Variants in LRRC37A2 observed in about 807,000 individuals in gnomAD.
The protein encoded by LRRC37A2 is leucine rich repeat containing 37 member A2.
LRRC37A2 carries 9 observed loss-of-function variants against 68.8 expected under a neutral mutation model. The observed-to-expected ratio is 0.13, with a 90% CI of 0.08 to 0.23. The LOEUF (loss-of-function observed/expected upper bound fraction) is 0.23, where lower values mean the gene tolerates loss of function less well. Among genes scored for constraint, LRRC37A2 ranks in the 10% least tolerant of loss-of-function variants. The pLI is 1.00. For missense variants in LRRC37A2, 168 were observed against 950.4 expected (o/e 0.18, Z 10.82); for synonymous variants, 63 against 367.6 (o/e 0.17, Z 9.48).
the LRRC37A2 span, chr17:46,711,258 C>A: frequency 2.5e-6 from 2 of 788,268 alleles, no homozygotes; most frequent in African/African-American, 1.8e-5. Flanking sequence ...GTAATCCAAT[C>A]TATGTACCAA....
chr17:47,044,751 C>A, the LRRC37A2 span, among the ~76,000 whole-genome samples: 1 of 150,704 alleles, frequency 6.6e-6, no homozygotes, highest in South Asian at 2.1e-4. Flanking sequence ...TGGGCTCAAG[C>A]CTGTAATCCC....
At chr17:46,708,808 A>G in the LRRC37A2 span, among the ~76,000 whole-genome samples, 2 of 97,008 alleles carry the variant, frequency 2.1e-5, no homozygotes, top group African/African-American at 8.2e-5. Flanking sequence ...TTTATTTTAT[A>G]TATATATATA....
At chr17:46,993,658 C>G in the LRRC37A2 span, among the ~76,000 whole-genome samples, 1 of 152,220 alleles carries the variant, frequency 6.6e-6, no homozygotes, top group African/African-American at 2.4e-5. Context: ...AGGACTGTGA[C>G]CTCTCATCAA....
At chr17:46,502,458 C>T in the LRRC37A2 span, among the ~76,000 whole-genome samples, 2 of 150,892 alleles carry the variant, frequency 1.3e-5, no homozygotes, top group Admixed American at 1.3e-4. Context: ...CCCACCACCA[C>T]GCCCTGCTAG....
chr17:47,033,429 C>A, the LRRC37A2 span: 1 of 690,822 alleles, frequency 1.4e-6, no homozygotes, highest in Admixed American at 2.1e-5. Context: ...CCAAGTACAT[C>A]GCGCATATTG....
chr17:46,811,108 A>G, the LRRC37A2 span, among the ~76,000 whole-genome samples: 4 of 152,234 alleles, frequency 2.6e-5, no homozygotes, highest in Admixed American at 2.6e-4. Context: ...CCGGCTGTAC[A>G]GGCCAGGCTG....
At chr17:46,954,503 A>G in the LRRC37A2 span, among the ~76,000 whole-genome samples, 2 of 151,978 alleles carry the variant, frequency 1.3e-5, no homozygotes, top group Non-Finnish European at 2.9e-5. Flanking sequence ...GGCCTTGGCA[A>G]TGCAGGCTCT....
At chr17:46,691,633 CGG>C in the LRRC37A2 span, among the ~76,000 whole-genome samples, 3 of 151,718 alleles carry the variant, frequency 2.0e-5, no homozygotes, top group East Asian at 1.9e-4. Context: ...ATATCCTTAT[CGG>C]AGATTTAATG....
the LRRC37A2 span, among the ~76,000 whole-genome samples, chr17:46,667,614 T>C: frequency 2.2e-5 from 3 of 139,368 alleles, no homozygotes; most frequent in African/African-American, 7.7e-5. Context: ...GTGGGACTCT[T>C]AGTAATTTTT....
At chr17:46,937,326 C>T in the LRRC37A2 span, 6 of 152,168 alleles carry the variant, frequency 3.9e-5, no homozygotes, top group Non-Finnish European at 8.8e-5. Flanking sequence ...AGATTGTACT[C>T]TACAAAGTAA....
At chr17:47,003,303 A>C in the LRRC37A2 span, among the ~76,000 whole-genome samples, 1 of 151,984 alleles carries the variant, frequency 6.6e-6, no homozygotes, top group African/African-American at 2.4e-5. Flanking sequence ...CCACTCTGGA[A>C]CATACAATGA....
At chr17:46,920,223 T>G in the LRRC37A2 span, among the ~76,000 whole-genome samples, 1 of 152,344 alleles carries the variant, frequency 6.6e-6, no homozygotes, top group African/African-American at 2.4e-5. Context: ...TGCTATTTTG[T>G]CCATGAACCG....
chr17:46,929,614 C>G, the LRRC37A2 span: 1 of 1,121,960 alleles, frequency 8.9e-7, no homozygotes, highest in Non-Finnish European at 1.4e-6. Context: ...GACCAGAGTC[C>G]TTTCTCTGAT....
chr17:46,682,047 T>TA, the LRRC37A2 span, among the ~76,000 whole-genome samples: 2 of 64,842 alleles, frequency 3.1e-5, no homozygotes, highest in African/African-American at 2.3e-4. Flanking sequence ...AATAAAGAGA[T>TA]AAAAAACTAT....
chr17:46,856,484 CT>C, the LRRC37A2 span, among the ~76,000 whole-genome samples: 3 of 150,436 alleles, frequency 2.0e-5, no homozygotes, highest in African/African-American at 7.4e-5. Context: ...CATGCTTTTT[CT>C]TTCTTTTTTT....
chr17:46,921,625 C>T, the LRRC37A2 span, among the ~76,000 whole-genome samples: 1 of 152,080 alleles, frequency 6.6e-6, no homozygotes, highest in African/African-American at 2.4e-5. Flanking sequence ...TGAACTCAAA[C>T]AAATTTACAA....
the LRRC37A2 span, among the ~76,000 whole-genome samples, chr17:46,819,329 G>A: frequency 6.6e-6 from 1 of 152,230 alleles, no homozygotes; most frequent in Non-Finnish European, 1.5e-5. This position sits in a 1 kb window ranked among gnomAD's most constrained non-coding sequence, Gnocchi z 5.3. Flanking sequence ...GGGCGGCGCC[G>A]GGGGACGGAG....
At chr17:46,864,794 C>T in the LRRC37A2 span, among the ~76,000 whole-genome samples, 1 of 152,120 alleles carries the variant, frequency 6.6e-6, no homozygotes, top group African/African-American at 2.4e-5. Flanking sequence ...TCGCCTTGGA[C>T]GACCAATCTT....
chr17:46,953,205 AC>A, the LRRC37A2 span, among the ~76,000 whole-genome samples: 1 of 144,516 alleles, frequency 6.9e-6, no homozygotes, highest in East Asian at 2.0e-4. Context: ...CACTCCCCCC[AC>A]CCCACAACAG....
Sources: gnomAD v4.1 joint callset for allele counts (sites outside exome capture counted in the v4.1 genomes callset) on GRCh38, gnomAD v4.1.1 for gene constraint, Gnocchi (gnomAD v3.1) non-coding constraint, MANE v1.5 for transcripts, NCBI Gene and HGNC (gene_info 2026-07-23, HGNC 2026-07-21) for gene names.